ARB2A: variants seen among roughly 807,000 people sequenced by gnomAD.
ARB2A encodes cotranscriptional regulator ARB2A.
At chr5:93,819,157 G>C in the ARB2A span, among the ~76,000 whole-genome samples, 1 of 123,522 alleles carries the variant, frequency 8.1e-6, no homozygotes, top group African/African-American at 3.1e-5. Flanking sequence ...CTGCACTCCA[G>C]CCTGGGCGAC....
At chr5:93,831,832 C>T in the ARB2A span, among the ~76,000 whole-genome samples, 1 of 152,038 alleles carries the variant, frequency 6.6e-6, no homozygotes, top group African/African-American at 2.4e-5. Context: ...AATGGCCTGT[C>T]AGCAGTAGGA....
chr5:93,655,785 A>T, the ARB2A span, among the ~76,000 whole-genome samples: 2 of 152,336 alleles, frequency 1.3e-5, no homozygotes, highest in Non-Finnish European at 1.5e-5. Flanking sequence ...AAAGTATGAA[A>T]AAAATGGAAG....
At chr5:93,947,992 T>C in the ARB2A span, among the ~76,000 whole-genome samples, 6 of 152,144 alleles carry the variant, frequency 3.9e-5, no homozygotes, top group African/African-American at 9.7e-5. Context: ...TGTGTCCTTA[T>C]AGCAGCATGA....
chr5:94,060,981 G>A, the ARB2A span, among the ~76,000 whole-genome samples: 3 of 152,338 alleles, frequency 2.0e-5, no homozygotes, highest in East Asian at 1.9e-4. Flanking sequence ...GCTAACGCCT[G>A]TAATCCCAGC....
the ARB2A span, among the ~76,000 whole-genome samples, chr5:93,859,643 T>C: frequency 6.6e-6 from 1 of 152,036 alleles, no homozygotes; most frequent in African/African-American, 2.4e-5. Context: ...AATAACAAAA[T>C]GAGCATACAC....
chr5:93,717,422 G>A, the ARB2A span, among the ~76,000 whole-genome samples: 1 of 144,924 alleles, frequency 6.9e-6, no homozygotes, highest in Non-Finnish European at 1.5e-5. Context: ...AAACTATTCA[G>A]AACTGTTACC....
chr5:94,051,224 G>A, the ARB2A span, among the ~76,000 whole-genome samples: 2 of 152,116 alleles, frequency 1.3e-5, no homozygotes, highest in African/African-American at 2.4e-5. Flanking sequence ...CTAAACAATC[G>A]AGATTGAAAT....
At chr5:93,687,399 C>T in the ARB2A span, among the ~76,000 whole-genome samples, 1 of 152,028 alleles carries the variant, frequency 6.6e-6, no homozygotes, top group Admixed American at 6.6e-5. Flanking sequence ...TTTACAGAAA[C>T]ACTAGCAAAA....
At chr5:93,749,038 GT>G in the ARB2A span, among the ~76,000 whole-genome samples, 3,662 of 143,978 alleles carry the variant, frequency 0.025, 121 homozygotes, top group African/African-American at 0.085. Context: ...TAACATGAGA[GT>G]TTTTTTTTTT....
the ARB2A span, among the ~76,000 whole-genome samples, chr5:93,922,970 C>T: frequency 6.6e-6 from 1 of 151,628 alleles, no homozygotes; most frequent in African/African-American, 2.4e-5. Flanking sequence ...CAGAAATTAC[C>T]ATGTATTTCC....
chr5:93,790,718 C>A, the ARB2A span, among the ~76,000 whole-genome samples: 1 of 152,076 alleles, frequency 6.6e-6, no homozygotes, highest in Non-Finnish European at 1.5e-5. Context: ...AGTCCCTTTA[C>A]CACCTTGTTT....
chr5:93,803,531 C>T, the ARB2A span, among the ~76,000 whole-genome samples: 1 of 138,566 alleles, frequency 7.2e-6, no homozygotes, highest in Non-Finnish European at 1.6e-5. Context: ...TAGAGGGGAA[C>T]AACACATACT....
At chr5:93,769,320 A>G in the ARB2A span, among the ~76,000 whole-genome samples, 11 of 152,190 alleles carry the variant, frequency 7.2e-5, no homozygotes, top group Non-Finnish European at 1.3e-4. Context: ...ATCCATTACT[A>G]ATTTGTGGTC....
chr5:93,904,546 A>T, the ARB2A span, among the ~76,000 whole-genome samples: 1 of 151,978 alleles, frequency 6.6e-6, no homozygotes, highest in South Asian at 2.1e-4. Flanking sequence ...CTCTTTGTGT[A>T]TAAATGATGA....
the ARB2A span, among the ~76,000 whole-genome samples, chr5:93,854,825 G>T: frequency 2.6e-5 from 4 of 152,272 alleles, no homozygotes; most frequent in South Asian, 8.3e-4. Flanking sequence ...CTGAGAGACA[G>T]TTTCTTATAA....
chr5:93,829,704 A>T, the ARB2A span, among the ~76,000 whole-genome samples: 1 of 152,238 alleles, frequency 6.6e-6, no homozygotes, highest in South Asian at 2.1e-4. Flanking sequence ...TTTCTTAGTA[A>T]CATAAATATG....
the ARB2A span, among the ~76,000 whole-genome samples, chr5:93,994,276 G>A: frequency 3.3e-5 from 5 of 152,052 alleles, no homozygotes; most frequent in African/African-American, 9.7e-5. Context: ...AATGTCCATC[G>A]ATGGCTGAAT....
the ARB2A span, among the ~76,000 whole-genome samples, chr5:93,979,105 T>C: frequency 6.6e-6 from 1 of 152,084 alleles, no homozygotes; most frequent in African/African-American, 2.4e-5. Context: ...TAACAAAGTA[T>C]CACAAGTACC....
At chr5:93,792,044 C>T in the ARB2A span, among the ~76,000 whole-genome samples, 3 of 151,792 alleles carry the variant, frequency 2.0e-5, no homozygotes, top group Admixed American at 6.6e-5. Context: ...GAGGGGAAGG[C>T]GACTGTTTGA....
Sources: allele counts gnomAD v4.1 joint callset (sites outside exome capture counted in the v4.1 genomes callset), GRCh38; gene constraint gnomAD v4.1.1; transcripts MANE v1.5; gene names NCBI Gene and HGNC (gene_info 2026-07-23, HGNC 2026-07-21).